ZSWIM8: variants seen among roughly 807,000 people sequenced by gnomAD.
The protein encoded by ZSWIM8 is zinc finger SWIM domain-containing protein 8.
ZSWIM8 carries 27 observed loss-of-function variants against 173.7 expected under a neutral mutation model. That is an observed-to-expected ratio of 0.16 (90% CI 0.11 to 0.21). The LOEUF (loss-of-function observed/expected upper bound fraction) is 0.21, where lower values mean the gene tolerates loss of function less well. Among genes scored for constraint, ZSWIM8 ranks in the 10% least tolerant of loss-of-function variants. The pLI is 1.00. For synonymous variants in ZSWIM8, 958 were observed against 962.0 expected (o/e 1.00, Z 0.08); for missense variants, 1,627 against 2,428.8 (o/e 0.67, Z 6.94).
rs760984400 is a variant in ZSWIM8, at chr10:73,785,660, G to A, written c.-219G>A. Reference sequence around the variant, plus strand: ...CTTCGTCCCGGCCCTAAGTCTCGGAGACTGGCCAAGATCACCGCTTGCACC... The same window carrying A: ...CTTCGTCCCGGCCCTAAGTCTCGGAAACTGGCCAAGATCACCGCTTGCACC... On this transcript the variant is annotated 5_prime_UTR_variant, in exon 1 of 26. Coordinates refer to ENST00000604729, the MANE Select transcript of ZSWIM8 (RefSeq NM_001367799.1). 11 of 628,372 alleles carry A rather than the reference G, an allele frequency of 1.8e-5. No homozygotes were observed. In the African/African-American group the frequency reaches 1.9e-4, roughly 11 times the overall value. The allele number at this position is 628,372 out of a possible 1,614,324, so 38.9% of individuals were successfully genotyped here.
rs368653982 is a variant in ZSWIM8 at position 73,797,342 on chromosome 10, C to T, written c.3434-35C>T. ...GGTTGGAGTCTTAACATCTGGGACT[C>T]CTGACTTCTGAGACTGACTTCTCTT... is the stretch of plus-strand genomic sequence containing the variant. On this transcript the variant is annotated intron_variant, in intron 17 of 25. Transcript: ENST00000604729. This position sits in a 1 kb window ranked among gnomAD's most constrained non-coding sequence, Gnocchi z 5.6. 692 of 1,612,864 alleles carry T rather than the reference C, an allele frequency of 4.3e-4. No individual in the cohort carries two copies. The highest frequency in any genetic ancestry group is 5.3e-4 in the Non-Finnish European group (628 of 1,179,208).
At chr10:73,790,894 G>GGGA in intron 7 of ZSWIM8, 81 bp from the exon 8 acceptor site, 1 of 1,336,872 alleles carries the variant, frequency 7.5e-7, no homozygotes. Flanking sequence ...TCTATCTTCT[G>GGGA]TATTTTGGGG....
In ZSWIM8 at chr10:73,791,238, C is replaced by A. The variant is rs891012928; in HGVS notation, c.1143+62C>A. On this transcript the variant is annotated intron_variant, in intron 8 of 25. Coordinates refer to ENST00000604729, the MANE Select transcript of ZSWIM8 (RefSeq NM_001367799.1). This position sits in a 1 kb window ranked among gnomAD's most constrained non-coding sequence, Gnocchi z 6.0. Reference sequence around the variant, plus strand: ...ATTCTTTCCCTCCCCCTGCCTCATCCTCCTCTTGCTGAAATGGACTCTGGG... The same window carrying A: ...ATTCTTTCCCTCCCCCTGCCTCATCATCCTCTTGCTGAAATGGACTCTGGG... 1 of 1,568,184 alleles carries A rather than the reference C, an allele frequency of 6.4e-7. No individual in the cohort carries two copies. Among genetic ancestry groups the A allele is most frequent in the Non-Finnish European group, 8.7e-7 (1 of 1,151,236 alleles).
At chr10:73,790,391 CT>C in intron 7 of ZSWIM8, 99 bp downstream of exon 7, 1 of 1,487,844 alleles carries the variant, frequency 6.7e-7, no homozygotes, top group Non-Finnish European at 9.0e-7. Context: ...TGACCCCTAC[CT>C]TTTATTCCCT....
In ZSWIM8 at chr10:73,792,530, C is replaced by G. The variant is rs574077271; in HGVS notation, c.1991C>G (p.Pro664Arg). The G allele has an allele frequency of 1.2e-6, 2 of 1,614,020 alleles. No individual in the cohort carries two copies. The highest frequency in any genetic ancestry group is 1.3e-5 in the African/African-American group (1 of 75,066). ...RGPSTFLPEPPDTYEEDGGVY... is the reference protein window; with the variant it reads ...RGPSTFLPEPRDTYEEDGGVY... ...CCTTCCACTTTCCTTCCTGAGCCCC[C>G]AGATACTTATGAAGAAGATGGTGGT... The change falls in exon 10 of 26, where the codon CCA becomes CGA. Residue 664 changes from proline (P) to arginine (R), a missense_variant. Transcript: ENST00000604729. This position sits in a 1 kb window ranked among gnomAD's most constrained non-coding sequence, Gnocchi z 4.3.
Position 73,789,004 on chromosome 10 carries a change from A to C in ZSWIM8, c.363-92A>C. On this transcript the variant is annotated intron_variant, in intron 2 of 25. Transcript: ENST00000604729. The surrounding 1 kb of genome is among the most constrained non-coding windows in gnomAD (Gnocchi z 6.8). Reference sequence around the variant, plus strand: ...CCCGCCCTGGGGAAGGAATGAGGCTAGGGAGAGAGTGCCTAGGGCATTGTG... The same window carrying C: ...CCCGCCCTGGGGAAGGAATGAGGCTCGGGAGAGAGTGCCTAGGGCATTGTG... 2.6e-6 allele frequency: 2 copies of C among 781,452 alleles called. No homozygotes were observed. The highest frequency in any genetic ancestry group is 1.4e-5 in the South Asian group (1 of 71,500). The allele number at this position is 781,452 out of a possible 1,614,324, so 48.4% of individuals were successfully genotyped here.
Position 73,786,027 on chromosome 10 carries a change from G to T in ZSWIM8, c.149G>T (p.Gly50Val). 3.1e-6 allele frequency: 5 copies of T among 1,604,678 alleles called. No individual in the cohort carries two copies. Among genetic ancestry groups the T allele is most frequent in the Non-Finnish European group, 4.3e-6 (5 of 1,175,260 alleles). ...CGGGGATGGCGCAAACAGTCAGCGG[G>T]GCCCAATTCCCCCACTGGCGGCGGT... Reference protein sequence around the residue: ...NWRGWRKQSAGPNSPTGGGGG... With the variant: ...NWRGWRKQSAVPNSPTGGGGG... The change falls in exon 1 of 26, where the codon GGG becomes GTG. Residue 50 changes from glycine (G) to valine (V), a missense_variant. Around this residue, in one of 18 missense-constraint regions of ZSWIM8, gnomAD observed 60 missense variants for 93.9 expected, o/e 0.64. Coordinates refer to ENST00000604729, the MANE Select transcript of ZSWIM8 (RefSeq NM_001367799.1).
Position 73,801,612 on chromosome 10 carries a change from T to C in ZSWIM8, c.*93T>C. On this transcript the variant is annotated 3_prime_UTR_variant, in exon 26 of 26. Coordinates refer to ENST00000604729, the MANE Select transcript of ZSWIM8 (RefSeq NM_001367799.1). This position sits in a 1 kb window ranked among gnomAD's most constrained non-coding sequence, Gnocchi z 4.9. ...GAGTGAAACTTGGCTGGACAGATCA[T>C]CCTCACTCAGTTCCCTGGTAGCACA... 1 of 1,546,950 alleles carries C rather than the reference T, an allele frequency of 6.5e-7. No homozygotes were observed. Among genetic ancestry groups the C allele is most frequent in the Non-Finnish European group, 8.7e-7 (1 of 1,151,318 alleles).
rs539781859 is a variant in ZSWIM8, at chr10:73,798,294, G to A, written c.4017G>A (p.Leu1339=). 5 of 1,614,044 alleles carry A rather than the reference G, an allele frequency of 3.1e-6. No homozygotes were observed. The highest frequency in any genetic ancestry group is 2.7e-5 in the African/African-American group (2 of 75,064). Reference sequence around the variant, plus strand: ...TGGTAGAATGCTGGGATGGGCACCTGACACCCCCTGAGGTTGCATCCCTGG... The same window carrying A: ...TGGTAGAATGCTGGGATGGGCACCTAACACCCCCTGAGGTTGCATCCCTGG... ...TILVECWDGH[L]TPPEVASLAD... is the part of the protein sequence containing the mutation. The change falls in exon 20 of 26, where the codon CTG becomes CTA. Residue 1339 remains leucine, a synonymous_variant. Transcript: ENST00000604729.
rs2083439570 is a variant in ZSWIM8 at position 73,792,172 on chromosome 10, C to G, written c.1633C>G (p.Pro545Ala). The G allele has an allele frequency of 3.3e-6, 5 of 1,530,394 alleles. No homozygotes were observed. The South Asian group carries it at 6.5e-5, about 20-fold the overall frequency. 94.8% of individuals were successfully genotyped at this position (1,530,394 alleles called of 1,614,324 possible). The change falls in exon 10 of 26, where the codon CCT becomes GCT. Residue 545 changes from proline (P) to alanine (A), a missense_variant. By Grantham distance (27) the Pro-to-Ala change is conservative. This residue lies in a region of ZSWIM8 where 383 missense variants were observed against 394.8 expected (regional missense o/e 0.97). Coordinates refer to ENST00000604729, the MANE Select transcript of ZSWIM8 (RefSeq NM_001367799.1). This position sits in a 1 kb window ranked among gnomAD's most constrained non-coding sequence, Gnocchi z 4.3. ...TGAGCCAGCTGTGCGGCCCAAGGAG[C>G]CTGGGACCAAGCGAAAGGGCTTGGG... ...PTEPAVRPKE[P>A]GTKRKGLGEG...
intron 20 of ZSWIM8, 63 bp downstream of exon 20, chr10:73,798,516 G>A: frequency 6.9e-7 from 1 of 1,445,152 alleles, no homozygotes. Flanking sequence ...TTGGGCATGG[G>A]AAAGCTAAGG....
At chr10:73,794,926 TAAAAAAAAAAAAA>T (rs34754583) in intron 14 of ZSWIM8, 3 of 91,706 alleles carry the variant, frequency 3.3e-5, no homozygotes, top group African/African-American at 4.3e-5. Flanking sequence ...CATCTCTACT[TAAAAAAAAAAAAA>T]AAAAAAAAAA....
chr10:73,786,096 A>G lies in ZSWIM8; in HGVS notation c.208+10A>G. 1 of 1,545,266 alleles carries G rather than the reference A, an allele frequency of 6.5e-7. No homozygotes were observed. Among genetic ancestry groups the G allele is most frequent in the Non-Finnish European group, 8.8e-7 (1 of 1,141,566 alleles). ...GGTACCAGAATGCGAGGTGAGAGTG[A>G]GCTGGGGGGAAGAGGAGCGGCAGGC... is the stretch of plus-strand genomic sequence containing the variant. On this transcript the variant is annotated intron_variant, in intron 1 of 25. Coordinates refer to ENST00000604729, the MANE Select transcript of ZSWIM8 (RefSeq NM_001367799.1).
chr10:73,789,416 A>G lies in ZSWIM8; in HGVS notation c.507A>G (p.Lys169=), dbSNP rs893244625. ...TGCCACCTCAGATGGTCCCTCCTAA[A>G]GGGGCCTACAACGTGGCTGTGATGT... ...TVVPPQMVPP[K]GAYNVAVMFD... is the part of the protein sequence containing the mutation. Residue 169 remains lysine, a synonymous_variant, in exon 4 of 26, where the codon AAA becomes AAG. Coordinates refer to ENST00000604729, the MANE Select transcript of ZSWIM8 (RefSeq NM_001367799.1). This position sits in a 1 kb window ranked among gnomAD's most constrained non-coding sequence, Gnocchi z 6.8. The G allele has an allele frequency of 3.1e-6, 5 of 1,589,064 alleles. No homozygotes were observed. Among genetic ancestry groups the G allele is most frequent in the Non-Finnish European group, 4.3e-6 (5 of 1,167,612 alleles).
chr10:73,786,400 A>C, intron 1 of ZSWIM8: 3 of 321,718 alleles, frequency 9.3e-6, no homozygotes, highest in Non-Finnish European at 1.7e-5. Flanking sequence ...CAGAAAGTAA[A>C]TCTTTCGTCA....
chr10:73,790,885 C>CT, intron 7 of ZSWIM8, 90 bp from the exon 8 acceptor site: 2 of 1,268,970 alleles, frequency 1.6e-6, no homozygotes, highest in Non-Finnish European at 2.2e-6. Context: ...CTTTTTCCCT[C>CT]TATCTTCTGT....
In ZSWIM8 at chr10:73,799,246, C is replaced by T. The variant is rs763973710; in HGVS notation, c.4421C>T (p.Thr1474Ile). 3 of 1,602,124 alleles carry T rather than the reference C, an allele frequency of 1.9e-6. No homozygotes were observed. Among genetic ancestry groups the T allele is most frequent in the East Asian group, 2.3e-5 (1 of 44,308 alleles). ...GRGGPGTEPV[T>I]VAAAAVTAAA... The stretch of plus-strand genomic sequence containing the variant: ...GGGGGCCCAGGGACTGAGCCGGTTA[C>T]AGTGGCAGCGGCAGCAGTGACAGCA... The change falls in exon 21 of 26, where the codon ACA (threonine) becomes ATA (isoleucine). Residue 1474 changes from threonine (T) to isoleucine (I), a missense_variant. Physicochemically the swap from Thr to Ile is moderately conservative, Grantham distance 89 (BLOSUM62 -1). Transcript: ENST00000604729.
intron 7 of ZSWIM8, among the ~76,000 whole-genome samples, chr10:73,790,584 C>T (rs2083381639): frequency 1.3e-5 from 2 of 152,118 alleles, no homozygotes; most frequent in Admixed American, 6.5e-5. Context: ...GGCGGTGGCT[C>T]ATACCTATAA....
chr10:73,800,635 C>T lies in ZSWIM8; in HGVS notation c.5003-5C>T. On this transcript the variant is annotated splice_region_variant and splice_polypyrimidine_tract_variant and intron_variant, in intron 23 of 25. Coordinates refer to ENST00000604729, the MANE Select transcript of ZSWIM8 (RefSeq NM_001367799.1). This position sits in a 1 kb window ranked among gnomAD's most constrained non-coding sequence, Gnocchi z 4.1. ...ACCATGTGCCCACCCTTATCTATCT[C>T]CCAGGAATGCTGGCACTGGAGATGC... 1 of 1,598,838 alleles carries T rather than the reference C, an allele frequency of 6.3e-7. No individual in the cohort carries two copies.
Sources: allele counts gnomAD v4.1 joint callset (sites outside exome capture counted in the v4.1 genomes callset), GRCh38; gene constraint gnomAD v4.1.1; regional missense constraint gnomAD v4.1.1; non-coding constraint Gnocchi (gnomAD v3.1); transcripts MANE v1.5; gene names NCBI Gene and HGNC (gene_info 2026-07-23, HGNC 2026-07-21).